The following PLXNA2 variants were observed in gnomAD, a reference collection of about 807,000 sequenced individuals.
PLXNA2 encodes plexin A2.
PLXNA2 carries 91 observed loss-of-function variants against 193.5 expected under a neutral mutation model. That is an observed-to-expected ratio of 0.47 (90% CI 0.40 to 0.56). The LOEUF is 0.56. Ranked by LOEUF, PLXNA2 falls within the 20% of genes least tolerant of loss-of-function variation. PLXNA2 has a pLI of 0.00. For synonymous variants in PLXNA2, 997 were observed against 1,027.3 expected (o/e 0.97, Z 0.56); for missense variants, 1,995 against 2,503.2 (o/e 0.80, Z 4.33).
chr1:208,203,963 G>C (rs1670636384), intron 3 of PLXNA2, among the ~76,000 whole-genome samples: 1 of 152,210 alleles, frequency 6.6e-6, no homozygotes, highest in Non-Finnish European at 1.5e-5. Flanking sequence ...ACTGCAAGAA[G>C]CTCACAGTTT....
At chr1:208,043,287 G>T (rs796183160) in intron 20 of PLXNA2, 84 bp from the exon 21 acceptor site, 3 of 1,361,546 alleles carry the variant, frequency 2.2e-6, no homozygotes, top group South Asian at 2.6e-5. Context: ...TGCAAAGGAC[G>T]AGGGGAGGAC....
chr1:208,085,480 C>T (rs1443615276), intron 9 of PLXNA2, among the ~76,000 whole-genome samples: 2 of 152,228 alleles, frequency 1.3e-5, no homozygotes, highest in Admixed American at 6.5e-5. Context: ...GGGGCTGATG[C>T]TGCTACAGGG....
chr1:208,038,257 G>A lies in PLXNA2; in HGVS notation c.4764+114C>T. 4.0e-6 allele frequency: 3 copies of A among 742,304 alleles called. No homozygotes were observed. The East Asian group carries it at 7.5e-5, about 19-fold the overall frequency. 46.0% of individuals were successfully genotyped at this position (742,304 alleles called of 1,614,324 possible). ...ATCCCTGTTCTATGCTCCAGCAGGAGGAGGAAAGCAGGGAGAGGAAAATCC... is the reference window on the plus strand; with the variant it reads ...ATCCCTGTTCTATGCTCCAGCAGGAAGAGGAAAGCAGGGAGAGGAAAATCC... On this transcript the variant is annotated intron_variant, in intron 26 of 31. Transcript: ENST00000367033. The surrounding 1 kb of genome is among the most constrained non-coding windows in gnomAD (Gnocchi z 4.1).
intron 4 of PLXNA2, among the ~76,000 whole-genome samples, chr1:208,107,786 G>T (rs761427761): frequency 6.6e-5 from 10 of 152,064 alleles, no homozygotes. Context: ...GGGATCTGGG[G>T]GTGGCTGGGC....
At chr1:208,210,531 A>G (rs1168684716) in intron 2 of PLXNA2, 69 bp from the exon 3 acceptor site, 1 of 1,380,384 alleles carries the variant, frequency 7.2e-7, no homozygotes, top group East Asian at 2.5e-5. Flanking sequence ...CACGACCCAT[A>G]TCCACAACTT....
chr1:208,166,692 C>G (rs1033243052), intron 3 of PLXNA2, among the ~76,000 whole-genome samples: 1 of 152,138 alleles, frequency 6.6e-6, no homozygotes, highest in South Asian at 2.1e-4. Flanking sequence ...AAGTTTATAA[C>G]AATGAAAACC....
chr1:208,029,625 C>G (rs1413790910), intron 29 of PLXNA2: 1 of 987,318 alleles, frequency 1.0e-6, no homozygotes. Context: ...GTTCTTGTAT[C>G]TGGGCAGGGG....
intron 9 of PLXNA2, among the ~76,000 whole-genome samples, chr1:208,085,599 G>A (rs1222312858): frequency 6.6e-6 from 1 of 152,230 alleles, no homozygotes; most frequent in Non-Finnish European, 1.5e-5. Context: ...AATGGCAAAT[G>A]CAATAATTAA....
At chr1:208,242,033 ATTC>A (rs1387342441) in intron 1 of PLXNA2, among the ~76,000 whole-genome samples, 3 of 152,132 alleles carry the variant, frequency 2.0e-5, no homozygotes, top group Non-Finnish European at 4.4e-5. Flanking sequence ...AAGTTAATGA[ATTC>A]TTCTCTTTTC....
At chr1:208,174,453 G>A (rs898988763) in intron 3 of PLXNA2, among the ~76,000 whole-genome samples, 4 of 152,008 alleles carry the variant, frequency 2.6e-5, no homozygotes, top group Non-Finnish European at 4.4e-5. Context: ...GAGGGAAGAA[G>A]GCATTGTCAA....
intron 4 of PLXNA2, among the ~76,000 whole-genome samples, chr1:208,135,473 A>T (rs1014758924): frequency 6.6e-6 from 1 of 152,234 alleles, no homozygotes; most frequent in Non-Finnish European, 1.5e-5. Context: ...ATTTCCAGGC[A>T]GTGTGATCCT....
chr1:208,118,705 A>G (rs10779472), intron 4 of PLXNA2, among the ~76,000 whole-genome samples: 145,436 of 152,084 alleles, frequency 0.96, 69,872 homozygotes, highest in East Asian at 1. Context: ...GGTCACAGAG[A>G]GGGGAACCTG....
intron 3 of PLXNA2, among the ~76,000 whole-genome samples, chr1:208,146,946 C>T (rs1378016609): frequency 2.6e-5 from 4 of 152,188 alleles, no homozygotes; most frequent in African/African-American, 9.7e-5. Context: ...TTGGACAAGG[C>T]TCAGCAGCCA....
intron 3 of PLXNA2, among the ~76,000 whole-genome samples, chr1:208,205,587 T>C (rs1471025076): frequency 6.6e-6 from 1 of 152,214 alleles, no homozygotes; most frequent in Non-Finnish European, 1.5e-5. Flanking sequence ...CTGTCCTCCT[T>C]CATCGCACGC....
In PLXNA2 at chr1:208,039,320, A is replaced by G. The variant is rs190875868; in HGVS notation, c.4500+301T>C. ...AGAGACTAGTCATGCACTTCCCCAA[A>G]GCCTCTATGTTAGGAACCAACATAC... On this transcript the variant is annotated intron_variant, in intron 24 of 31. Transcript: ENST00000367033. Among the ~76,000 whole-genome samples the G allele has an allele frequency of 2.4e-4, 37 of 152,260 alleles. 1 individual carries two copies. The East Asian group carries it at 7.2e-3, about 30-fold the overall frequency.
intron 3 of PLXNA2, among the ~76,000 whole-genome samples, chr1:208,196,829 C>T (rs1181004725): frequency 6.6e-6 from 1 of 152,074 alleles, no homozygotes; most frequent in Non-Finnish European, 1.5e-5. Flanking sequence ...ATGTGGTATT[C>T]AGAAGAATGG....
chr1:208,108,176 C>T (rs905159831), intron 4 of PLXNA2, among the ~76,000 whole-genome samples: 2 of 152,208 alleles, frequency 1.3e-5, no homozygotes, highest in Admixed American at 6.5e-5. Context: ...CAATTCAGCA[C>T]ACGAGTAGCC....
intron 3 of PLXNA2, among the ~76,000 whole-genome samples, chr1:208,159,641 T>C (rs1174828028): frequency 1.3e-5 from 2 of 152,238 alleles, no homozygotes; most frequent in Admixed American, 6.5e-5. Flanking sequence ...AGTCTGGTGC[T>C]ACCGTGACGC....
chr1:208,029,539 C>T (rs112054878), intron 29 of PLXNA2: 2 of 994,722 alleles, frequency 2.0e-6, no homozygotes, highest in African/African-American at 1.7e-5. Context: ...AAGCTACTTC[C>T]CAGGGCTGGC....
Sources: gnomAD v4.1 joint callset for allele counts (sites outside exome capture counted in the v4.1 genomes callset) on GRCh38, gnomAD v4.1.1 for gene constraint, Gnocchi (gnomAD v3.1) non-coding constraint, MANE v1.5 for transcripts, NCBI Gene and HGNC (gene_info 2026-07-23, HGNC 2026-07-21) for gene names.